The following NLRP4 variants were observed in gnomAD, a reference collection of about 807,000 sequenced individuals.
NLRP4 encodes NACHT, LRR and PYD domains-containing protein 4.
Under a neutral mutation model 84.7 loss-of-function variants are expected in NLRP4, and 44 were observed. The observed-to-expected ratio is 0.52, with a 90% confidence interval of 0.41 to 0.67. The LOEUF (loss-of-function observed/expected upper bound fraction) is 0.67. Among genes scored for constraint, NLRP4 ranks in the 30% least tolerant of loss-of-function variants. The pLI is 0.00. For synonymous variants in NLRP4, 544 were observed against 476.4 expected (o/e 1.14, Z -1.85); for missense variants, 1,260 against 1,219.4 (o/e 1.03, Z -0.50).
chr19:55,872,084 G>A (rs1480085264), intron 7 of NLRP4, among the ~76,000 whole-genome samples: 2 of 152,018 alleles, frequency 1.3e-5, no homozygotes, highest in African/African-American at 2.4e-5. Flanking sequence ...TCCTGATCTC[G>A]TGATCCGCCC....
rs1984509786 is a variant in NLRP4 at position 55,857,860 on chromosome 19, C to G, written c.467C>G (p.Pro156Arg). 1.2e-6 allele frequency: 2 copies of G among 1,613,860 alleles called. No homozygotes were observed. Among genetic ancestry groups the G allele is most frequent in the Non-Finnish European group, 1.7e-6 (2 of 1,179,784 alleles). ...KQPRTVIIQG[P>R]QGIGKTTLLM... ...CCACGTACAGTGATCATTCAAGGAC[C>G]ACAAGGAATTGGAAAAACGACACTC... The change falls in exon 3 of 10, where the codon CCA becomes CGA. Residue 156 changes from proline to arginine, a missense_variant. By Grantham distance (103) the Pro-to-Arg change is moderately radical. Transcript: ENST00000301295.
At chr19:55,838,500 C>A (rs552327953) in intron 1 of NLRP4, among the ~76,000 whole-genome samples, 1 of 152,070 alleles carries the variant, frequency 6.6e-6, no homozygotes, top group Non-Finnish European at 1.5e-5. Flanking sequence ...CATCTAGGCT[C>A]CAGAACCATG....
intron 7 of NLRP4, among the ~76,000 whole-genome samples, chr19:55,873,118 A>C (rs1303712837): frequency 6.6e-6 from 1 of 152,214 alleles, no homozygotes; most frequent in East Asian, 1.9e-4. Context: ...GTTTCTTACC[A>C]CCAGATCCTT....
intron 5 of NLRP4, among the ~76,000 whole-genome samples, chr19:55,867,378 T>G (rs1011581901): frequency 1.3e-5 from 2 of 150,980 alleles, no homozygotes; most frequent in African/African-American, 4.9e-5. Flanking sequence ...AGCATGCATA[T>G]AACTGAGACT....
rs750827634 is a variant in NLRP4, at chr19:55,870,994, T to C, written c.2522T>C (p.Leu841Pro). 6.2e-7 allele frequency: 1 copy of C among 1,613,562 alleles called. No homozygotes were observed. The highest frequency in any genetic ancestry group is 1.3e-5 in the African/African-American group (1 of 75,064). The change falls in exon 7 of 10, where the codon CTG becomes CCG. Residue 841 changes from leucine to proline, a missense_variant. Leu to Pro is a moderately conservative substitution (Grantham distance 98). Coordinates refer to ENST00000301295, the MANE Select transcript of NLRP4 (RefSeq NM_134444.5). Reference protein sequence around the residue: ...LKHPDCCLDSLCLVKCFITAA... With the variant: ...LKHPDCCLDSPCLVKCFITAA... ...CATCCGGACTGCTGCCTGGATTCACTGTGGTAGGCTTTTTGCTGTTTCTTT... is the reference window on the plus strand; with the variant it reads ...CATCCGGACTGCTGCCTGGATTCACCGTGGTAGGCTTTTTGCTGTTTCTTT...
chr19:55,844,053 A>G (rs1236872221), intron 1 of NLRP4, among the ~76,000 whole-genome samples: 2 of 152,182 alleles, frequency 1.3e-5, no homozygotes, highest in Non-Finnish European at 2.9e-5. Context: ...ACCACAAAAC[A>G]GACAGCTTAA....
intron 2 of NLRP4, among the ~76,000 whole-genome samples, chr19:55,853,004 C>T (rs920933349): frequency 3.3e-5 from 5 of 152,136 alleles, no homozygotes; most frequent in African/African-American, 7.2e-5. Context: ...TTAACACCTG[C>T]GGTAGAGGAT....
Position 55,877,158 on chromosome 19 carries a change from G to T in NLRP4, c.2688G>T (p.Glu896Asp), listed in dbSNP as rs746238982. 1 of 1,613,594 alleles carries T rather than the reference G, an allele frequency of 6.2e-7. No homozygotes were observed. Among genetic ancestry groups the T allele is most frequent in the South Asian group, 1.1e-5 (1 of 91,038 alleles). ...TGACGCATACGGATTGCCGCTTAGAGATTCTTGGGTGGGTATCGCCAAGCT... is the reference window on the plus strand; with the variant it reads ...TGACGCATACGGATTGCCGCTTAGATATTCTTGGGTGGGTATCGCCAAGCT... The part of the protein sequence containing the change: ...RALTHTDCRL[E>D]ILGLEECGLT... The change falls in exon 8 of 10, where the codon GAG becomes GAT. Residue 896 changes from glutamate to aspartate, a missense_variant. Glu to Asp is a conservative substitution (Grantham distance 45, BLOSUM62 2). This residue lies in a region of NLRP4 where 544 missense variants were observed against 531.7 expected (regional missense o/e 1.02). Coordinates refer to ENST00000301295, the MANE Select transcript of NLRP4 (RefSeq NM_134444.5).
At position 55,858,192 on chromosome 19, in the gene NLRP4, AAGAAGAT is replaced by A; in HGVS notation, c.800_806del (p.Lys267SerfsTer23). The A allele has an allele frequency of 6.2e-7, 1 of 1,614,092 alleles. No homozygotes were observed. The highest frequency in any genetic ancestry group is 1.1e-5 in the South Asian group (1 of 91,070). On this transcript the variant is annotated frameshift_variant, in exon 3 of 10. Coordinates refer to ENST00000301295, the MANE Select transcript of NLRP4 (RefSeq NM_134444.5). LOFTEE classifies it high-confidence loss of function. The surrounding 1 kb of genome is among the most constrained non-coding windows in gnomAD (Gnocchi z 4.2). Reference sequence around the variant, plus strand: ...GGTGCTTCTGAGCAGTTTGCTGAGGAAGAAGATGCTCCCGGAGGCCTCCCTGCTCATC... The same window carrying A: ...GGTGCTTCTGAGCAGTTTGCTGAGGAGCTCCCGGAGGCCTCCCTGCTCATC...
rs779956754 is a variant in NLRP4 at position 55,870,926 on chromosome 19, C to G, written c.2454C>G (p.Val818=). The G allele has an allele frequency of 6.2e-6, 10 of 1,614,098 alleles. No homozygotes were observed. The highest frequency in any genetic ancestry group is 6.8e-6 in the Non-Finnish European group (8 of 1,179,958). ...GCTATCTAGACCTCAGTGCCAATGT[C>G]CTGAAGGACGAAGGACTGAAAACTC... is the stretch of plus-strand genomic sequence containing the variant. The part of the protein sequence containing the change: ...SVRYLDLSAN[V]LKDEGLKTLC... The change falls in exon 7 of 10, where the codon GTC becomes GTG. Residue 818 remains valine, a synonymous_variant. Coordinates refer to ENST00000301295, the MANE Select transcript of NLRP4 (RefSeq NM_134444.5).
At chr19:55,838,955 GTT>G (rs57691669) in intron 1 of NLRP4, among the ~76,000 whole-genome samples, 19,828 of 144,500 alleles carry the variant, frequency 0.14, 3,204 homozygotes, top group African/African-American at 0.39. Flanking sequence ...CACTAAGCCT[GTT>G]TTTTTTTTTT....
chr19:55,861,716 G>T lies in NLRP4; in HGVS notation c.2018+169G>T, dbSNP rs150001980. 1.8e-3 allele frequency among the ~76,000 whole-genome samples: 269 copies of T among 152,286 alleles called. 4 individuals carry two copies. In the East Asian group the frequency reaches 0.025, roughly 14 times the overall value. The stretch of plus-strand genomic sequence containing the variant: ...ATGCAGATCATTCTTCATCATAGGG[G>T]TTGTTCTGTGCGTTGTAGGGTGTTA... On this transcript the variant is annotated intron_variant, in intron 4 of 9. Transcript: ENST00000301295.
chr19:55,852,476 GTTTTT>G (rs11301833), intron 2 of NLRP4, 116 bp downstream of exon 2: 201 of 444,038 alleles, frequency 4.5e-4, no homozygotes, highest in Middle Eastern at 1.8e-3. Flanking sequence ...AAAATATTAG[GTTTTT>G]TTTTTTTTTT....
Position 55,852,276 on chromosome 19 carries a change from C to T in NLRP4, c.196C>T (p.Gln66Ter). ...ANLLIKHYEEQQAWNITLRIF... is the reference protein window; with the variant it reads ...ANLLIKHYEE ...CCTCTTGATCAAGCACTATGAAGAACAACAAGCTTGGAACATAACCTTAAG... is the reference window on the plus strand; with the variant it reads ...CCTCTTGATCAAGCACTATGAAGAATAACAAGCTTGGAACATAACCTTAAG... Residue 66 changes from glutamine (Q) to a stop codon, truncating the protein, a stop_gained, in exon 2 of 10, where the codon CAA (glutamine) becomes TAA (stop). Transcript: ENST00000301295. LOFTEE classifies it high-confidence loss of function. The T allele has an allele frequency of 6.2e-7, 1 of 1,606,320 alleles. No individual in the cohort carries two copies. The highest frequency in any genetic ancestry group is 2.2e-5 in the East Asian group (1 of 44,790).
intron 1 of NLRP4, among the ~76,000 whole-genome samples, chr19:55,846,745 C>T (rs1267321836): frequency 3.3e-5 from 5 of 151,976 alleles, no homozygotes; most frequent in African/African-American, 9.7e-5. Context: ...AGAAGTATTG[C>T]CTTAGGTGCT....
At chr19:55,850,219 G>A (rs974678248) in intron 1 of NLRP4, among the ~76,000 whole-genome samples, 4 of 145,792 alleles carry the variant, frequency 2.7e-5, no homozygotes, top group South Asian at 2.2e-4. Flanking sequence ...CCGTGGCTGC[G>A]GTGTAATTTC....
At chr19:55,868,960 T>A (rs1429932496) in intron 6 of NLRP4, among the ~76,000 whole-genome samples, 1 of 152,072 alleles carries the variant, frequency 6.6e-6, no homozygotes, top group Non-Finnish European at 1.5e-5. Context: ...GGACAGGACT[T>A]AACCTCCCAC....
Position 55,858,334 on chromosome 19 carries a change from T to G in NLRP4, c.941T>G (p.Phe314Cys), listed in dbSNP as rs1464740017. 1 of 1,614,186 alleles carries G rather than the reference T, an allele frequency of 6.2e-7. No homozygotes were observed. The highest frequency in any genetic ancestry group is 1.1e-5 in the South Asian group (1 of 91,084). The stretch of plus-strand genomic sequence containing the variant: ...GATAGGTTAGTGTATTTCTGCTGTT[T>G]CTTCAAAGACCCGAAAAGAGCCATG... ...ESDRLVYFCC[F>C]FKDPKRAMEA... The change falls in exon 3 of 10, where the codon TTC becomes TGC. Residue 314 changes from phenylalanine to cysteine, a missense_variant. This residue lies in a region of NLRP4 where 712 missense variants were observed against 669.2 expected (regional missense o/e 1.06). Transcript: ENST00000301295. This position sits in a 1 kb window ranked among gnomAD's most constrained non-coding sequence, Gnocchi z 4.2.
intron 1 of NLRP4, 87 bp from the exon 2 acceptor site, chr19:55,851,929 T>TC (rs1225851525): frequency 3.3e-6 from 2 of 611,742 alleles, no homozygotes; most frequent in Non-Finnish European, 2.8e-6. Context: ...TTCATTGCCA[T>TC]CCCCCCAGTA....
Sources: gnomAD v4.1 joint callset for allele counts (sites outside exome capture counted in the v4.1 genomes callset) on GRCh38, gnomAD v4.1.1 for gene constraint, gnomAD v4.1.1 regional missense constraint, Gnocchi (gnomAD v3.1) non-coding constraint, MANE v1.5 for transcripts, NCBI Gene and HGNC (gene_info 2026-07-23, HGNC 2026-07-21) for gene names.